Variants in PDE1C observed in about 807,000 individuals in gnomAD.
The protein encoded by PDE1C is phosphodiesterase 1C.
A neutral mutation model predicts 93.1 loss-of-function variants in PDE1C; 62 were observed. The observed-to-expected ratio is 0.67, with a 90% CI of 0.54 to 0.82. The LOEUF (loss-of-function observed/expected upper bound fraction) is 0.82. Among genes scored for constraint, PDE1C ranks in the 40% least tolerant of loss-of-function variants. PDE1C has a pLI of 0.00. For synonymous variants in PDE1C, 325 were observed against 310.1 expected (o/e 1.05, Z -0.50); for missense variants, 742 against 884.6 (o/e 0.84, Z 2.04).
intron 2 of PDE1C, among the ~76,000 whole-genome samples, chr7:31,900,025 A>T (rs1799779719): frequency 6.6e-6 from 1 of 152,228 alleles, no homozygotes; most frequent in South Asian, 2.1e-4. Context: ...AGTTACGCCA[A>T]GAAACCTCAC....
chr7:31,625,502 C>G, the PDE1C span, among the ~76,000 whole-genome samples: 1 of 152,090 alleles, frequency 6.6e-6, no homozygotes, highest in East Asian at 1.9e-4. Context: ...AATCATCATT[C>G]TCAATAAACT....
chr7:31,931,927 T>C (rs1804356716), intron 2 of PDE1C, among the ~76,000 whole-genome samples: 1 of 152,064 alleles, frequency 6.6e-6, no homozygotes, highest in Non-Finnish European at 1.5e-5. Context: ...CCTACAACCA[T>C]CTGATCTTTG....
chr7:32,382,977 A>G (rs1784561361), intron 1 of PDE1C, among the ~76,000 whole-genome samples: 1 of 152,216 alleles, frequency 6.6e-6, no homozygotes, highest in African/African-American at 2.4e-5. Context: ...ATTGAGCGTT[A>G]CATTCAAATA....
intron 3 of PDE1C, among the ~76,000 whole-genome samples, chr7:32,113,040 A>T (rs907225350): frequency 3.3e-5 from 5 of 149,388 alleles, no homozygotes; most frequent in African/African-American, 1.2e-4. Flanking sequence ...GCTCTGTGCT[A>T]GAAGGAAGGT....
chr7:32,309,553 A>G (rs559988460), intron 1 of PDE1C, among the ~76,000 whole-genome samples: 4 of 152,242 alleles, frequency 2.6e-5, no homozygotes, highest in Non-Finnish European at 4.4e-5. Context: ...TGGATCTCTC[A>G]GCAGAAACTC....
intron 2 of PDE1C, among the ~76,000 whole-genome samples, chr7:31,887,727 G>C (rs1798127257): frequency 6.6e-6 from 1 of 152,124 alleles, no homozygotes; most frequent in African/African-American, 2.4e-5. Context: ...TAAATTTCAA[G>C]TAATTGAACT....
intron 3 of PDE1C, among the ~76,000 whole-genome samples, chr7:32,102,070 C>T (rs1798067340): frequency 6.6e-6 from 1 of 152,144 alleles, no homozygotes; most frequent in Non-Finnish European, 1.5e-5. Flanking sequence ...AGGGATCTGC[C>T]CCCATGACCC....
chr7:31,973,685 T>A (rs542111762), intron 2 of PDE1C, among the ~76,000 whole-genome samples: 46 of 152,296 alleles, frequency 3.0e-4, no homozygotes, highest in Non-Finnish European at 4.6e-4. Context: ...AGAGGCTAAA[T>A]AACAAACTGA....
At chr7:31,908,399 C>T (rs1487291866) in intron 2 of PDE1C, among the ~76,000 whole-genome samples, 1 of 152,112 alleles carries the variant, frequency 6.6e-6, no homozygotes, top group Non-Finnish European at 1.5e-5. Flanking sequence ...GACCAAAACG[C>T]CCCTCCACAG....
chr7:31,710,338 C>T, the PDE1C span, among the ~76,000 whole-genome samples: 14 of 152,270 alleles, frequency 9.2e-5, no homozygotes, highest in South Asian at 2.1e-4. Flanking sequence ...CAAGACTTGG[C>T]GCTCTTTCAA....
exon 2 of PDE1C, chr7:32,209,524 C>T (rs961300630): frequency 5.7e-6 from 9 of 1,569,752 alleles, no homozygotes; most frequent in African/African-American, 1.4e-5. Context: ...ATTCTTGTCT[C>T]CAGCTTCATT....
At chr7:31,736,368 C>T in the PDE1C span, among the ~76,000 whole-genome samples, 121 of 152,284 alleles carry the variant, frequency 7.9e-4, no homozygotes, top group African/African-American at 2.8e-3. Flanking sequence ...ACACATTCTT[C>T]CCTAAGACTG....
At chr7:32,358,405 C>T (rs1231769327) in intron 1 of PDE1C, among the ~76,000 whole-genome samples, 1 of 152,244 alleles carries the variant, frequency 6.6e-6, no homozygotes, top group Non-Finnish European at 1.5e-5. Context: ...AGCAGCCCCT[C>T]TCAAGCTGCA....
intron 3 of PDE1C, among the ~76,000 whole-genome samples, chr7:32,127,673 AC>A (rs1310891794): frequency 6.6e-6 from 1 of 152,100 alleles, no homozygotes; most frequent in Non-Finnish European, 1.5e-5. Context: ...TCTAATAGCA[AC>A]AATAAAATAT....
chr7:31,696,833 T>C, the PDE1C span: 1 of 1,017,688 alleles, frequency 9.8e-7, no homozygotes, highest in Non-Finnish European at 1.4e-6. Context: ...ATGAAAAGTC[T>C]TGCTTTATTA....
At chr7:32,314,149 G>T (rs1783117187) in intron 1 of PDE1C, among the ~76,000 whole-genome samples, 1 of 151,944 alleles carries the variant, frequency 6.6e-6, no homozygotes, top group African/African-American at 2.4e-5. Flanking sequence ...ACTTACAGAA[G>T]GTTTAAATAT....
At chr7:32,178,327 A>C (rs1265130756) in intron 2 of PDE1C, among the ~76,000 whole-genome samples, 1 of 152,142 alleles carries the variant, frequency 6.6e-6, no homozygotes, top group Non-Finnish European at 1.5e-5. Flanking sequence ...ACTCTGAGAG[A>C]GTGGAAAAGA....
intron 1 of PDE1C, among the ~76,000 whole-genome samples, chr7:32,256,399 C>A (rs1809796628): frequency 6.6e-6 from 1 of 152,170 alleles, no homozygotes; most frequent in African/African-American, 2.4e-5. Flanking sequence ...AAGAGGGAGG[C>A]AATCAGGCAT....
At chr7:31,725,585 T>A in the PDE1C span, among the ~76,000 whole-genome samples, 1 of 152,048 alleles carries the variant, frequency 6.6e-6, no homozygotes, top group African/African-American at 2.4e-5. Context: ...CCATCAGGAG[T>A]GAGGGAACAC....
Sources: gnomAD v4.1 joint callset for allele counts (sites outside exome capture counted in the v4.1 genomes callset) on GRCh38, gnomAD v4.1.1 for gene constraint, MANE v1.5 for transcripts, NCBI Gene and HGNC (gene_info 2026-07-23, HGNC 2026-07-21) for gene names.